Variants in PLCB1 observed in about 807,000 individuals in gnomAD.
PLCB1 encodes the protein 1-phosphatidylinositol 4,5-bisphosphate phosphodiesterase beta-1.
Under a neutral mutation model 161.8 loss-of-function variants are expected in PLCB1, and 46 were observed. The observed-to-expected ratio is 0.28, with a 90% CI of 0.22 to 0.36. The LOEUF is 0.36. PLCB1 is among the 10% of genes least tolerant of loss of function. The pLI, the probability that PLCB1 is intolerant of heterozygous loss-of-function variation, is 1.00. For synonymous variants in PLCB1, 517 were observed against 503.7 expected, an observed-to-expected ratio of 1.03 and a Z score of -0.35; for missense variants, 1,016 against 1,472.5, an observed-to-expected ratio of 0.69 and a Z score of 5.07.
At chr20:8,779,550 A>T (rs1983112015) in intron 27 of PLCB1, among the ~76,000 whole-genome samples, 1 of 140,552 alleles carries the variant, frequency 7.1e-6, no homozygotes, top group African/African-American at 2.6e-5. Flanking sequence ...CTGTGTCCCT[A>T]GAGCTCTACA....
chr20:8,509,333 A>C (rs574069940), intron 3 of PLCB1, among the ~76,000 whole-genome samples: 2 of 152,364 alleles, frequency 1.3e-5, no homozygotes, highest in South Asian at 2.1e-4. Context: ...GCATCCGAGC[A>C]TCAATTCTTG....
chr20:8,678,007 G>C (rs888255562), intron 9 of PLCB1, among the ~76,000 whole-genome samples: 2 of 152,156 alleles, frequency 1.3e-5, no homozygotes, highest in Non-Finnish European at 2.9e-5. Context: ...CAGATAAAAG[G>C]CTCCAGAAAA....
intron 20 of PLCB1, among the ~76,000 whole-genome samples, chr20:8,738,605 C>A (rs2123514109): frequency 6.6e-6 from 1 of 152,150 alleles, no homozygotes; most frequent in East Asian, 1.9e-4. Context: ...ATGAAATATT[C>A]ACATGGTGAT....
chr20:8,682,261 G>T (rs144434470), intron 9 of PLCB1, among the ~76,000 whole-genome samples: 3 of 152,186 alleles, frequency 2.0e-5, no homozygotes, highest in Non-Finnish European at 4.4e-5. Context: ...AGGACTTTGG[G>T]AGGCTGTGGT....
intron 3 of PLCB1, among the ~76,000 whole-genome samples, chr20:8,614,132 T>C (rs1257058751): frequency 2.0e-5 from 3 of 152,064 alleles, no homozygotes; most frequent in Non-Finnish European, 4.4e-5. Context: ...TAACTAGTCA[T>C]TTTAAAACAC....
chr20:8,723,012 CTG>C (rs2123479486), intron 15 of PLCB1, among the ~76,000 whole-genome samples: 1 of 152,256 alleles, frequency 6.6e-6, no homozygotes, highest in Non-Finnish European at 1.5e-5. Flanking sequence ...GAGCAAGACA[CTG>C]TCTCTCTTTA....
At chr20:8,216,637 T>C (rs1041975819) in intron 2 of PLCB1, among the ~76,000 whole-genome samples, 1 of 152,108 alleles carries the variant, frequency 6.6e-6, no homozygotes, top group Admixed American at 6.6e-5. Flanking sequence ...GGTAGTTTCC[T>C]GGGAAGTAGA....
intron 3 of PLCB1, among the ~76,000 whole-genome samples, chr20:8,516,702 T>C (rs1159084054): frequency 8.5e-6 from 1 of 117,154 alleles, no homozygotes; most frequent in Non-Finnish European, 1.8e-5. Context: ...TATATATATA[T>C]ATATATATGT....
intron 31 of PLCB1, among the ~76,000 whole-genome samples, chr20:8,811,090 G>A (rs1984795609): frequency 6.6e-6 from 1 of 152,224 alleles, no homozygotes; most frequent in South Asian, 2.1e-4. Flanking sequence ...AGGAAAAGCA[G>A]TGCATGAGTA....
chr20:8,838,104 T>C (rs1037502866), intron 31 of PLCB1, among the ~76,000 whole-genome samples: 7 of 151,668 alleles, frequency 4.6e-5, no homozygotes, highest in African/African-American at 1.2e-4. Context: ...ACCTGAATCA[T>C]GAAAGCATAG....
intron 3 of PLCB1, among the ~76,000 whole-genome samples, chr20:8,423,175 T>G (rs1003925794): frequency 2.6e-5 from 4 of 152,188 alleles, no homozygotes; most frequent in African/African-American, 9.7e-5. Flanking sequence ...TCATTGTCAG[T>G]TGCCCACCCA....
At chr20:8,512,225 T>A (rs17363289) in intron 3 of PLCB1, among the ~76,000 whole-genome samples, 1 of 152,308 alleles carries the variant, frequency 6.6e-6, no homozygotes, top group Non-Finnish European at 1.5e-5. Flanking sequence ...TACGTTCTGA[T>A]TCATTGAAAT....
chr20:8,250,596 A>C (rs953127563), intron 2 of PLCB1, among the ~76,000 whole-genome samples: 3 of 151,938 alleles, frequency 2.0e-5, no homozygotes, highest in Non-Finnish European at 2.9e-5. Context: ...AAAACAATCA[A>C]TAAAGCATAC....
chr20:8,708,562 C>A (rs557625101), intron 11 of PLCB1, 108 bp from the exon 12 acceptor site: 1 of 698,948 alleles, frequency 1.4e-6, no homozygotes, highest in Non-Finnish European at 2.5e-6. Context: ...CCATTCGATA[C>A]AATTCTCTGA....
intron 3 of PLCB1, among the ~76,000 whole-genome samples, chr20:8,427,725 A>G (rs2719794): frequency 0.47 from 71,087 of 151,904 alleles, 17,047 homozygotes; most frequent in African/African-American, 0.52. Context: ...TAAGGAGGAT[A>G]AAATCATCAG....
intron 10 of PLCB1, among the ~76,000 whole-genome samples, chr20:8,696,385 A>G (rs1277386044): frequency 6.6e-6 from 1 of 152,174 alleles, no homozygotes; most frequent in East Asian, 1.9e-4. Flanking sequence ...CCAGTACCAC[A>G]TGGTCTTGAT....
intron 2 of PLCB1, among the ~76,000 whole-genome samples, chr20:8,200,897 A>G (rs1282732576): frequency 6.6e-6 from 1 of 152,114 alleles, no homozygotes; most frequent in Non-Finnish European, 1.5e-5. Context: ...TTAACAGATT[A>G]AGATCTGTTC....
intron 2 of PLCB1, among the ~76,000 whole-genome samples, chr20:8,227,757 A>G (rs1979774970): frequency 6.6e-6 from 1 of 152,200 alleles, no homozygotes; most frequent in Admixed American, 6.5e-5. Context: ...TTAGGACTGA[A>G]GCTCGGGAAT....
At chr20:8,381,966 G>A (rs918481523) in intron 3 of PLCB1, among the ~76,000 whole-genome samples, 20 of 152,018 alleles carry the variant, frequency 1.3e-4, no homozygotes, top group African/African-American at 4.6e-4. Context: ...GGTCTGCCCT[G>A]ATCTTAGTTA....
Sources: gnomAD v4.1 joint callset for allele counts (sites outside exome capture counted in the v4.1 genomes callset) on GRCh38, gnomAD v4.1.1 for gene constraint, MANE v1.5 for transcripts, NCBI Gene and HGNC (gene_info 2026-07-23, HGNC 2026-07-21) for gene names.